PALLD: variants seen among roughly 807,000 people sequenced by gnomAD.
The protein encoded by PALLD is palladin, cytoskeletal associated protein, also known as palladin.
PALLD carries 61 observed loss-of-function variants against 123.5 expected under a neutral mutation model. That is an observed-to-expected ratio of 0.49 (90% CI 0.40 to 0.61). PALLD has a LOEUF of 0.61. Ranked by LOEUF, PALLD falls within the 20% of genes least tolerant of loss-of-function variation. The pLI, the probability that PALLD is intolerant of heterozygous loss-of-function variation, is 0.00. For missense variants in PALLD, 1,273 were observed against 1,377.0 expected (o/e 0.92, Z 1.20); for synonymous variants, 465 against 496.4 (o/e 0.94, Z 0.84).
chr4:168,721,580 A>G (rs1172203604), intron 10 of PALLD, among the ~76,000 whole-genome samples: 1 of 152,216 alleles, frequency 6.6e-6, no homozygotes, highest in Non-Finnish European at 1.5e-5. Context: ...CTCATTAACT[A>G]TTCCTGATTT....
chr4:168,816,785 G>C (rs114573654), intron 10 of PALLD, among the ~76,000 whole-genome samples: 3,235 of 151,262 alleles, frequency 0.021, 127 homozygotes, highest in African/African-American at 0.072. Context: ...TACAGAGAAG[G>C]CTGAGTCAGA....
At chr4:168,520,451 C>G (rs550555734) in intron 2 of PALLD, among the ~76,000 whole-genome samples, 1 of 151,826 alleles carries the variant, frequency 6.6e-6, no homozygotes, top group Non-Finnish European at 1.5e-5. Context: ...GAAAGGCATG[C>G]GACGCATTGA....
chr4:168,803,607 G>A (rs749192500), intron 10 of PALLD, among the ~76,000 whole-genome samples: 7 of 150,850 alleles, frequency 4.6e-5, no homozygotes, highest in Non-Finnish European at 5.9e-5. Flanking sequence ...GATGGACTGA[G>A]CCTGGGATTC....
intron 2 of PALLD, among the ~76,000 whole-genome samples, chr4:168,589,002 A>T (rs1771128354): frequency 6.6e-6 from 1 of 152,190 alleles, no homozygotes; most frequent in South Asian, 2.1e-4. Flanking sequence ...GTCAAAATGA[A>T]CTTAAGGCCA....
intron 2 of PALLD, among the ~76,000 whole-genome samples, chr4:168,665,653 A>G (rs921532544): frequency 6.6e-6 from 1 of 152,228 alleles, no homozygotes; most frequent in Non-Finnish European, 1.5e-5. Flanking sequence ...ATTCTGGTCC[A>G]GAACTTATCA....
At chr4:168,599,913 C>CAT (rs929522060) in intron 2 of PALLD, among the ~76,000 whole-genome samples, 3 of 139,670 alleles carry the variant, frequency 2.1e-5, no homozygotes, top group African/African-American at 8.5e-5. Context: ...CACACACACA[C>CAT]ATATATATAC....
At chr4:168,905,050 C>T (rs949897833) in intron 15 of PALLD, among the ~76,000 whole-genome samples, 2 of 151,490 alleles carry the variant, frequency 1.3e-5, no homozygotes, top group African/African-American at 4.8e-5. Context: ...TCACTTGAAC[C>T]TGGGATGCGG....
intron 10 of PALLD, among the ~76,000 whole-genome samples, chr4:168,838,687 T>TTTG (rs1479629201): frequency 1.5e-5 from 2 of 136,908 alleles, no homozygotes; most frequent in East Asian, 4.4e-4. Context: ...TTTTTTTTTT[T>TTTG]TTTTTTGCTG....
At chr4:168,647,507 C>T (rs1445537096) in intron 2 of PALLD, among the ~76,000 whole-genome samples, 1 of 152,020 alleles carries the variant, frequency 6.6e-6, no homozygotes, top group Non-Finnish European at 1.5e-5. Flanking sequence ...TGTGGCCGGG[C>T]GTGTAGCTCA....
At chr4:168,782,663 A>G (rs1005822447) in intron 10 of PALLD, among the ~76,000 whole-genome samples, 1 of 152,084 alleles carries the variant, frequency 6.6e-6, no homozygotes, top group Non-Finnish European at 1.5e-5. Flanking sequence ...TAATCCCAGC[A>G]CTTGGGAGGC....
chr4:168,559,783 G>A (rs1767676989), intron 2 of PALLD, among the ~76,000 whole-genome samples: 1 of 151,934 alleles, frequency 6.6e-6, no homozygotes, highest in African/African-American at 2.4e-5. Flanking sequence ...GCTACTACAG[G>A]CACCTGCCTG....
At chr4:168,751,448 C>A (rs1731054192) in intron 10 of PALLD, among the ~76,000 whole-genome samples, 2 of 149,218 alleles carry the variant, frequency 1.3e-5, no homozygotes, top group African/African-American at 5.0e-5. Flanking sequence ...ACTGGGAGAG[C>A]AATAGCCTGT....
chr4:168,513,993 C>T (rs1762766114), intron 2 of PALLD, among the ~76,000 whole-genome samples: 1 of 151,982 alleles, frequency 6.6e-6, no homozygotes, highest in Admixed American at 6.6e-5. Context: ...GTAATTCCAG[C>T]TACTCAAGAG....
intron 2 of PALLD, among the ~76,000 whole-genome samples, chr4:168,521,413 T>C (rs1763551411): frequency 6.6e-6 from 1 of 152,122 alleles, no homozygotes; most frequent in African/African-American, 2.4e-5. Flanking sequence ...ATAATAGAAG[T>C]ACCCACCTCT....
chr4:168,651,326 TC>T (rs1269800052), intron 2 of PALLD, among the ~76,000 whole-genome samples: 2 of 152,210 alleles, frequency 1.3e-5, no homozygotes, highest in Non-Finnish European at 2.9e-5. Flanking sequence ...TTTAACATTT[TC>T]TTTGTAACAT....
intron 10 of PALLD, among the ~76,000 whole-genome samples, chr4:168,817,132 G>A (rs1468795469): frequency 6.6e-6 from 1 of 152,174 alleles, no homozygotes; most frequent in East Asian, 1.9e-4. Flanking sequence ...TTCAGCTGGA[G>A]TGAGAAAAAC....
At chr4:168,695,952 TC>T (rs1430756948) in intron 8 of PALLD, among the ~76,000 whole-genome samples, 1 of 152,106 alleles carries the variant, frequency 6.6e-6, no homozygotes, top group African/African-American at 2.4e-5. Context: ...GAGTGTCCAA[TC>T]TTTTGAATTC....
chr4:168,503,974 A>C (rs1053941163), intron 1 of PALLD, among the ~76,000 whole-genome samples: 6 of 152,228 alleles, frequency 3.9e-5, no homozygotes, highest in African/African-American at 1.4e-4. Flanking sequence ...TACCATTTTT[A>C]TCCCTTACTG....
chr4:168,832,227 AGTGCAGC>A (rs1445555520), intron 10 of PALLD: 2 of 962,500 alleles, frequency 2.1e-6, no homozygotes, highest in African/African-American at 3.5e-5. Context: ...AATTAAAGGG[AGTGCAGC>A]GTGCAGGGTG....
Sources: allele counts gnomAD v4.1 joint callset (sites outside exome capture counted in the v4.1 genomes callset), GRCh38; gene constraint gnomAD v4.1.1; transcripts MANE v1.5; gene names NCBI Gene and HGNC (gene_info 2026-07-23, HGNC 2026-07-21).